AGBL3: variants seen among roughly 807,000 people sequenced by gnomAD.
AGBL3 encodes AGBL carboxypeptidase 3, also known as cytosolic carboxypeptidase 3.
In AGBL3, 68 loss-of-function variants were observed where a neutral mutation model predicts 94.5. That is an observed-to-expected ratio of 0.72 (90% confidence interval 0.59 to 0.88). AGBL3 has a LOEUF of 0.88. AGBL3 is among the 40% of genes least tolerant of loss of function. The pLI, the probability that AGBL3 is intolerant of heterozygous loss-of-function variation, is 0.00. For missense variants in AGBL3, 934 were observed against 1,103.8 expected (o/e 0.85, Z 2.18); for synonymous variants, 354 against 370.7 (o/e 0.95, Z 0.52).
In AGBL3 at chr7:135,135,026, AAATCT is replaced by A; in HGVS notation, c.2529_2533del (p.Ile844GlyfsTer5). Reference sequence around the variant, plus strand: ...GGCCCCAAGAAGAATAAACATTCTCAAATCTGGGCCATAAAGAATGAAGACATAAA... The same window carrying A: ...GGCCCCAAGAAGAATAAACATTCTCAGGGCCATAAAGAATGAAGACATAAA... On this transcript the variant is annotated frameshift_variant, in exon 17 of 17. Transcript: ENST00000436302. LOFTEE classifies it low-confidence loss of function (END_TRUNC). The A allele has an allele frequency of 1.3e-6, 2 of 1,551,234 alleles. No individual in the cohort carries two copies. Among genetic ancestry groups the A allele is most frequent in the South Asian group, 2.4e-5 (2 of 84,052 alleles).
Position 134,993,634 on chromosome 7 carries a change from G to A in AGBL3, c.266G>A (p.Trp89Ter), listed in dbSNP as rs1810594781. 1 of 1,551,890 alleles carries A rather than the reference G, an allele frequency of 6.4e-7. No individual in the cohort carries two copies. The highest frequency in any genetic ancestry group is 8.7e-7 in the Non-Finnish European group (1 of 1,147,026). ...TCTGGTCCATTGAGCCCAACACGGTGGCCATACCATTGTGAAGTCATCGAT... is the reference window on the plus strand; with the variant it reads ...TCTGGTCCATTGAGCCCAACACGGTAGCCATACCATTGTGAAGTCATCGAT... ...SSSGPLSPTR[W>*]PYHCEVIDEK... The change falls in exon 4 of 17, where the codon TGG (tryptophan) becomes TAG (stop). Residue 89 changes from tryptophan to a stop codon, truncating the protein, a stop_gained. Transcript: ENST00000436302. LOFTEE classifies it high-confidence loss of function.
intron 16 of AGBL3, among the ~76,000 whole-genome samples, chr7:135,128,007 G>C (rs1828129620): frequency 6.6e-6 from 1 of 151,860 alleles, no homozygotes; most frequent in African/African-American, 2.4e-5. Context: ...AAAAGGAATG[G>C]GATCTGCCAG....
At chr7:135,114,444 T>C (rs1309143678) in intron 15 of AGBL3, among the ~76,000 whole-genome samples, 1 of 152,154 alleles carries the variant, frequency 6.6e-6, no homozygotes, top group Non-Finnish European at 1.5e-5. Flanking sequence ...TATTCCAGTG[T>C]CTCCATTAAC....
chr7:135,105,633 G>A (rs1248403022), intron 15 of AGBL3, among the ~76,000 whole-genome samples: 1 of 152,138 alleles, frequency 6.6e-6, no homozygotes, highest in African/African-American at 2.4e-5. Flanking sequence ...GGTTACTATA[G>A]CCCTATAATA....
intron 5 of AGBL3, among the ~76,000 whole-genome samples, chr7:135,021,873 T>C (rs562524629): frequency 3.3e-5 from 5 of 152,278 alleles, no homozygotes; most frequent in African/African-American, 9.6e-5. Flanking sequence ...TGTGTCCATG[T>C]ATTCTCATTG....
intron 4 of AGBL3, among the ~76,000 whole-genome samples, chr7:135,001,622 C>T (rs1811728113): frequency 6.6e-6 from 1 of 152,152 alleles, no homozygotes; most frequent in African/African-American, 2.4e-5. Flanking sequence ...AGTGTCCAAC[C>T]TGCTGGGATG....
chr7:135,113,820 C>G (rs1358834264), intron 15 of AGBL3, among the ~76,000 whole-genome samples: 3 of 152,176 alleles, frequency 2.0e-5, no homozygotes, highest in Admixed American at 6.5e-5. Context: ...TCTCCCTCCC[C>G]CCAGCACCTG....
At chr7:135,023,010 A>T (rs141515913) in intron 5 of AGBL3, among the ~76,000 whole-genome samples, 119 of 152,086 alleles carry the variant, frequency 7.8e-4, no homozygotes, top group Admixed American at 3.0e-3. Context: ...CTGTTTTTAA[A>T]TTTTTGCCCT....
intron 3 of AGBL3, among the ~76,000 whole-genome samples, chr7:134,990,875 C>G (rs138379516): frequency 5.2e-4 from 79 of 152,292 alleles, no homozygotes; most frequent in African/African-American, 1.8e-3. Flanking sequence ...GCCCTGAGAA[C>G]TGGTCCTACT....
At position 135,066,811 on chromosome 7, in the gene AGBL3, C is replaced by T. The variant is rs1017643959; in HGVS notation, c.1908+7576C>T. Among the ~76,000 whole-genome samples the T allele has an allele frequency of 5.9e-5, 9 of 152,118 alleles. No homozygotes were observed. In the South Asian group the frequency reaches 6.2e-4, roughly 11 times the overall value. On this transcript the variant is annotated intron_variant, in intron 12 of 16. Coordinates refer to ENST00000436302, the MANE Select transcript of AGBL3 (RefSeq NM_178563.4). The stretch of plus-strand genomic sequence containing the variant: ...TCCAGTCTACAGTTCCCAGTGTGAG[C>T]GACGCAGAAGACAGGTGATTTCAGC...
At chr7:135,066,098 T>C (rs900969425) in intron 12 of AGBL3, among the ~76,000 whole-genome samples, 2 of 152,032 alleles carry the variant, frequency 1.3e-5, no homozygotes, top group African/African-American at 2.4e-5. Context: ...ACCAAAAGCA[T>C]AGACAACAAA....
intron 15 of AGBL3, among the ~76,000 whole-genome samples, chr7:135,100,536 T>C (rs1392617120): frequency 6.6e-6 from 1 of 152,204 alleles, no homozygotes; most frequent in Non-Finnish European, 1.5e-5. Context: ...GTATATCCTC[T>C]CTTCCTTCCT....
intron 16 of AGBL3, among the ~76,000 whole-genome samples, chr7:135,126,772 G>A (rs923678630): frequency 6.6e-6 from 1 of 152,186 alleles, no homozygotes; most frequent in African/African-American, 2.4e-5. Flanking sequence ...ATGGGGAAAG[G>A]ATTCCCTGTT....
intron 14 of AGBL3, among the ~76,000 whole-genome samples, 182 bp downstream of exon 14, chr7:135,080,442 C>T (rs912510473): frequency 7.9e-5 from 12 of 152,244 alleles, no homozygotes; most frequent in South Asian, 2.1e-4. Context: ...ACAATCCAAG[C>T]GCAGTGTCAT....
At chr7:135,090,994 C>A (rs1207593215) in intron 15 of AGBL3, among the ~76,000 whole-genome samples, 4 of 152,144 alleles carry the variant, frequency 2.6e-5, no homozygotes, top group African/African-American at 7.2e-5. Flanking sequence ...CAGGCAGCTC[C>A]TTCAGCTGTG....
intron 13 of AGBL3, among the ~76,000 whole-genome samples, chr7:135,077,612 A>T (rs999400594): frequency 2.6e-5 from 4 of 152,114 alleles, no homozygotes; most frequent in African/African-American, 9.7e-5. Context: ...GGACAAATAT[A>T]TTACTGGTGG....
intron 15 of AGBL3, among the ~76,000 whole-genome samples, chr7:135,094,838 T>G (rs934360064): frequency 6.6e-6 from 1 of 152,172 alleles, no homozygotes; most frequent in African/African-American, 2.4e-5. Flanking sequence ...TTTCATTGGT[T>G]TACCAAACAA....
At chr7:135,116,589 A>G (rs988244251) in intron 16 of AGBL3, among the ~76,000 whole-genome samples, 1 of 152,158 alleles carries the variant, frequency 6.6e-6, no homozygotes, top group Non-Finnish European at 1.5e-5. Flanking sequence ...TTGGTTTCCA[A>G]TGACACCCTG....
rs182786628 is a variant in AGBL3 at position 135,050,828 on chromosome 7, T to C, written c.1841+4917T>C. 2.7e-3 allele frequency among the ~76,000 whole-genome samples: 412 copies of C among 152,146 alleles called. 2 individuals carry two copies. The highest frequency in any genetic ancestry group is 8.9e-3 in the African/African-American group (370 of 41,550). ...AAATCTACAGGGAGTATCTTGTAGA[T>C]AGATTGTAGTTGGGTCCTCTTTTTT... is the stretch of plus-strand genomic sequence containing the variant. On this transcript the variant is annotated intron_variant, in intron 11 of 16. Coordinates refer to ENST00000436302, the MANE Select transcript of AGBL3 (RefSeq NM_178563.4).
Sources: allele counts gnomAD v4.1 joint callset (sites outside exome capture counted in the v4.1 genomes callset), GRCh38; gene constraint gnomAD v4.1.1; transcripts MANE v1.5; gene names NCBI Gene and HGNC (gene_info 2026-07-23, HGNC 2026-07-21).